TRABD2B: variants seen among roughly 807,000 people sequenced by gnomAD.
The protein encoded by TRABD2B is metalloprotease TIKI2.
In TRABD2B, 14 loss-of-function variants were observed where a neutral mutation model predicts 40.1. The observed-to-expected ratio is 0.35, with a 90% CI of 0.23 to 0.55. The LOEUF (loss-of-function observed/expected upper bound fraction) is 0.55, where lower values mean the gene tolerates loss of function less well. Among genes scored for constraint, TRABD2B ranks in the 20% least tolerant of loss-of-function variants. TRABD2B has a pLI of 0.90. For synonymous variants in TRABD2B, 263 were observed against 277.0 expected, an observed-to-expected ratio of 0.95 and a Z score of 0.50; for missense variants, 541 against 648.6, an observed-to-expected ratio of 0.83 and a Z score of 1.80.
chr1:47,831,420 G>A lies in TRABD2B; in HGVS notation c.667-29801C>T, dbSNP rs183201073. 1.6e-3 allele frequency among the ~76,000 whole-genome samples: 250 copies of A among 152,256 alleles called. 1 individual carries two copies. Among genetic ancestry groups the A allele is most frequent in the African/African-American group, 4.1e-3 (169 of 41,558 alleles). On this transcript the variant is annotated intron_variant, in intron 2 of 6. Transcript: ENST00000606738. ...CTGGGGCTCCTTTGCTGCTGCGGGC[G>A]CAGTGTGAACGTCTTTTGTGTGTTC...
At position 47,909,492 on chromosome 1, in the gene TRABD2B, G is replaced by GAGA. The variant is rs749722920; in HGVS notation, c.666+84541_666+84542insTCT. 1.5e-3 allele frequency among the ~76,000 whole-genome samples: 206 copies of GAGA among 139,990 alleles called. 1 individual carries two copies. The highest frequency in any genetic ancestry group is 2.6e-3 in the Non-Finnish European group (172 of 65,562). The allele number at this position is 139,990 out of a possible 152,430, so 91.8% of individuals were successfully genotyped here. Reference sequence around the variant, plus strand: ...GGGGAAGGAGAAGGAGAAGGAGAAGGAGGAGAAGGAGGAGAAGGAGAAGGG... The same window carrying GAGA: ...GGGGAAGGAGAAGGAGAAGGAGAAGGAGAAGGAGAAGGAGGAGAAGGAGAAGGG... On this transcript the variant is annotated intron_variant, in intron 2 of 6. Coordinates refer to ENST00000606738, the MANE Select transcript of TRABD2B (RefSeq NM_001194986.2).
At chr1:47,777,807 A>T (rs1569900862) in intron 5 of TRABD2B, among the ~76,000 whole-genome samples, 2 of 151,968 alleles carry the variant, frequency 1.3e-5, no homozygotes, top group South Asian at 4.2e-4. Context: ...TCTCGCTGAC[A>T]CCTCTCATGT....
chr1:47,778,910 A>G (rs571578961), intron 4 of TRABD2B, among the ~76,000 whole-genome samples: 69 of 152,178 alleles, frequency 4.5e-4, no homozygotes, highest in Admixed American at 3.9e-4. Flanking sequence ...GCCTCACACC[A>G]TGAAGCTGAC....
intron 6 of TRABD2B, among the ~76,000 whole-genome samples, chr1:47,774,104 TGTACACGCA>T (rs1443872676): frequency 6.6e-6 from 1 of 152,082 alleles, no homozygotes; most frequent in East Asian, 1.9e-4. Context: ...AATCTCCAGG[TGTACACGCA>T]ACATACAGAG....
In TRABD2B at chr1:47,836,562, T is replaced by A. The variant is rs536568360; in HGVS notation, c.667-34943A>T. ...GCATATAGTAGGTATCCAATAAATG[T>A]TGGTATCCAAGAAATGTTGGCGATT... On this transcript the variant is annotated intron_variant, in intron 2 of 6. Coordinates refer to ENST00000606738, the MANE Select transcript of TRABD2B (RefSeq NM_001194986.2). Among the ~76,000 whole-genome samples, 124 of 152,384 alleles carry A rather than the reference T, an allele frequency of 8.1e-4. 1 individual carries two copies. Among genetic ancestry groups the A allele is most frequent in the African/African-American group, 2.8e-3 (116 of 41,594 alleles).
intron 2 of TRABD2B, among the ~76,000 whole-genome samples, chr1:47,892,243 T>C (rs112327411): frequency 4.6e-5 from 7 of 152,160 alleles, no homozygotes; most frequent in African/African-American, 1.7e-4. Context: ...ACAGACTGGA[T>C]GGAGGTTAAG....
At chr1:47,850,539 A>T (rs527729809) in intron 2 of TRABD2B, among the ~76,000 whole-genome samples, 18 of 152,342 alleles carry the variant, frequency 1.2e-4, no homozygotes, top group Non-Finnish European at 1.5e-4. Context: ...GACACTGCAG[A>T]GCTAGAGCTG....
At chr1:47,833,587 T>C (rs1408826677) in intron 2 of TRABD2B, among the ~76,000 whole-genome samples, 1 of 152,248 alleles carries the variant, frequency 6.6e-6, no homozygotes, top group Non-Finnish European at 1.5e-5. Context: ...GGAGTCTCAC[T>C]GCCTCTAGTA....
chr1:47,969,538 T>C (rs924377294), intron 2 of TRABD2B, among the ~76,000 whole-genome samples: 7 of 152,176 alleles, frequency 4.6e-5, no homozygotes, highest in African/African-American at 1.7e-4. Context: ...AGGTCCATGA[T>C]GGGCCAAAAG....
At chr1:47,822,806 G>A (rs1645128128) in intron 2 of TRABD2B, among the ~76,000 whole-genome samples, 2 of 152,178 alleles carry the variant, frequency 1.3e-5, no homozygotes, top group Non-Finnish European at 2.9e-5. Context: ...AGCAGCTGAG[G>A]GTCAGGACAC....
At chr1:47,870,457 C>T (rs958747091) in intron 2 of TRABD2B, among the ~76,000 whole-genome samples, 2 of 152,294 alleles carry the variant, frequency 1.3e-5, no homozygotes, top group Admixed American at 6.5e-5. Context: ...CACCCCTTCC[C>T]CCTAGCCTCA....
In TRABD2B at chr1:47,796,591, A is replaced by T. The variant is rs944592238; in HGVS notation, c.814-1831T>A. ...CTGGCCAAGGCCTAGTGTGTTCCCC[A>T]GAGTGAGAGGAGAGGTAAAGGTACA... On this transcript the variant is annotated intron_variant, in intron 3 of 6. Coordinates refer to ENST00000606738, the MANE Select transcript of TRABD2B (RefSeq NM_001194986.2). Among the ~76,000 whole-genome samples, 5 of 152,330 alleles carry T rather than the reference A, an allele frequency of 3.3e-5. No homozygotes were observed. In the East Asian group the frequency reaches 9.6e-4, roughly 29 times the overall value.
At chr1:47,902,034 C>T (rs966146173) in intron 2 of TRABD2B, among the ~76,000 whole-genome samples, 89 of 152,298 alleles carry the variant, frequency 5.8e-4, no homozygotes, top group African/African-American at 2.1e-3. Flanking sequence ...TCCCCTAGTA[C>T]AACCTTCAAT....
At chr1:47,791,268 G>A (rs534178925) in intron 4 of TRABD2B, among the ~76,000 whole-genome samples, 1 of 152,338 alleles carries the variant, frequency 6.6e-6, no homozygotes, top group South Asian at 2.1e-4. Flanking sequence ...AGGAACTTCA[G>A]CTGGACACTG....
At chr1:47,902,354 G>A (rs989654493) in intron 2 of TRABD2B, among the ~76,000 whole-genome samples, 1 of 152,156 alleles carries the variant, frequency 6.6e-6, no homozygotes, top group Non-Finnish European at 1.5e-5. Context: ...AGTTCCCAGG[G>A]TGACTGCCAA....
chr1:47,868,995 G>C (rs376101785), intron 2 of TRABD2B, among the ~76,000 whole-genome samples: 29 of 152,278 alleles, frequency 1.9e-4, no homozygotes, highest in Middle Eastern at 3.4e-3. Flanking sequence ...AGCAGTTAGA[G>C]AAAGGTTTGA....
chr1:47,986,038 T>C (rs761546979), intron 2 of TRABD2B, among the ~76,000 whole-genome samples: 33 of 151,954 alleles, frequency 2.2e-4, no homozygotes, highest in East Asian at 1.9e-4. Context: ...AAAACCAAGA[T>C]AGCAAGCAAA....
At chr1:47,870,126 T>C (rs1570167993) in intron 2 of TRABD2B, among the ~76,000 whole-genome samples, 2 of 152,182 alleles carry the variant, frequency 1.3e-5, no homozygotes, top group South Asian at 4.1e-4. Context: ...CCAATCAATA[T>C]GTTATCTGGT....
chr1:47,946,638 T>C (rs544816845), intron 2 of TRABD2B, among the ~76,000 whole-genome samples: 10 of 152,222 alleles, frequency 6.6e-5, no homozygotes, highest in Non-Finnish European at 1.2e-4. Context: ...GAATGACTAA[T>C]AATTTTGTTG....
Sources: allele counts gnomAD v4.1 joint callset (sites outside exome capture counted in the v4.1 genomes callset), GRCh38; gene constraint gnomAD v4.1.1; transcripts MANE v1.5; gene names NCBI Gene and HGNC (gene_info 2026-07-23, HGNC 2026-07-21).